SH3BGRL2: variants seen among roughly 807,000 people sequenced by gnomAD.
SH3BGRL2 encodes SH3 domain-binding glutamic acid-rich-like protein 2.
SH3BGRL2 carries 21 observed loss-of-function variants against 14.8 expected under a neutral mutation model. That is an observed-to-expected ratio of 1.42 (90% CI 1.01 to 2.05). The LOEUF is 2.05. Among genes scored for constraint, SH3BGRL2 ranks in the 30% most tolerant of loss-of-function variants. The probability of loss-of-function intolerance (pLI) is 0.00; values close to 1 mark genes in which losing one functional copy is unlikely to be tolerated. For missense variants in SH3BGRL2, 147 were observed against 130.8 expected (o/e 1.12, Z -0.61); for synonymous variants, 50 against 47.8 (o/e 1.05, Z -0.19).
At chr6:79,688,613 A>T (rs1214344232) in intron 2 of SH3BGRL2, among the ~76,000 whole-genome samples, 2 of 152,168 alleles carry the variant, frequency 1.3e-5, no homozygotes, top group Admixed American at 1.3e-4. Flanking sequence ...TGGAAACTTT[A>T]TGTGAGTTTT....
chr6:79,638,635 A>G (rs1768972183), intron 1 of SH3BGRL2, among the ~76,000 whole-genome samples: 1 of 152,108 alleles, frequency 6.6e-6, no homozygotes. Flanking sequence ...TTTCGATAAT[A>G]GTCTAACTGG....
At chr6:79,601,911 A>C in the SH3BGRL2 span, among the ~76,000 whole-genome samples, 3 of 150,692 alleles carry the variant, frequency 2.0e-5, no homozygotes, top group Non-Finnish European at 4.4e-5. Context: ...ATAGTAAAGA[A>C]AAAAATCAAG....
chr6:79,547,512 C>T, the SH3BGRL2 span, among the ~76,000 whole-genome samples: 24 of 152,144 alleles, frequency 1.6e-4, no homozygotes, highest in Non-Finnish European at 3.1e-4. Context: ...GAGTGAGGCC[C>T]GTGTTGCCTC....
At position 79,664,248 on chromosome 6, in the gene SH3BGRL2, C is replaced by T. The variant is rs968500569; in HGVS notation, c.46-9366C>T. On this transcript the variant is annotated intron_variant, in intron 1 of 3. Transcript: ENST00000369838. ...TGCAGAAATCACCTGTCTTCTGCAT[C>T]GATCACGCTGGGATCTGCAGACTGG... Among the ~76,000 whole-genome samples the T allele has an allele frequency of 2.6e-5, 4 of 152,198 alleles. No homozygotes were observed. In the East Asian group the frequency reaches 7.7e-4, roughly 29 times the overall value.
At chr6:79,564,855 A>T in the SH3BGRL2 span, among the ~76,000 whole-genome samples, 1 of 152,152 alleles carries the variant, frequency 6.6e-6, no homozygotes, top group African/African-American at 2.4e-5. Context: ...TCTGACCCGT[A>T]ATATTCTCCT....
the SH3BGRL2 span, among the ~76,000 whole-genome samples, chr6:79,546,477 A>G: frequency 6.6e-6 from 1 of 152,164 alleles, no homozygotes; most frequent in Non-Finnish European, 1.5e-5. Flanking sequence ...CACCCTAGGA[A>G]ACTCCTCTCT....
At chr6:79,691,047 C>T (rs1475422700) in intron 2 of SH3BGRL2, among the ~76,000 whole-genome samples, 4 of 152,036 alleles carry the variant, frequency 2.6e-5, no homozygotes, top group Non-Finnish European at 4.4e-5. Flanking sequence ...CCCAGCTACT[C>T]GGGAGGCTGA....
chr6:79,621,716 G>T, the SH3BGRL2 span, among the ~76,000 whole-genome samples: 1 of 152,130 alleles, frequency 6.6e-6, no homozygotes, highest in African/African-American at 2.4e-5. Flanking sequence ...GGGGATGAAT[G>T]ATAACAGACC....
At chr6:79,589,938 A>T in the SH3BGRL2 span, among the ~76,000 whole-genome samples, 1 of 151,812 alleles carries the variant, frequency 6.6e-6, no homozygotes, top group Non-Finnish European at 1.5e-5. Flanking sequence ...CGCCCCACTA[A>T]TTTTTGTTTT....
chr6:79,619,990 T>C, the SH3BGRL2 span, among the ~76,000 whole-genome samples: 1 of 152,344 alleles, frequency 6.6e-6, no homozygotes, highest in East Asian at 1.9e-4. Flanking sequence ...CAAATGTTTC[T>C]GATCTCTCAG....
the SH3BGRL2 span, among the ~76,000 whole-genome samples, chr6:79,538,020 T>TTG: frequency 1.7e-5 from 1 of 60,586 alleles, no homozygotes; most frequent in Admixed American, 2.0e-4. Flanking sequence ...GCACACAAGT[T>TTG]TTTTTTTTTT....
intron 1 of SH3BGRL2, among the ~76,000 whole-genome samples, chr6:79,637,633 C>A (rs1768951692): frequency 6.6e-6 from 1 of 151,672 alleles, no homozygotes; most frequent in Non-Finnish European, 1.5e-5. Context: ...GTAGAGATTG[C>A]ATGAGCCGAG....
chr6:79,552,529 G>A, the SH3BGRL2 span, among the ~76,000 whole-genome samples: 9 of 152,174 alleles, frequency 5.9e-5, no homozygotes, highest in South Asian at 1.9e-3. Flanking sequence ...TACTCAACTG[G>A]TTACATTTGA....
At chr6:79,538,758 C>T in the SH3BGRL2 span, among the ~76,000 whole-genome samples, 4 of 152,188 alleles carry the variant, frequency 2.6e-5, no homozygotes, top group East Asian at 7.7e-4. Context: ...TGAAGGAGAG[C>T]TGAGAATGAA....
chr6:79,594,318 G>A, the SH3BGRL2 span, among the ~76,000 whole-genome samples: 2 of 152,166 alleles, frequency 1.3e-5, no homozygotes, highest in Non-Finnish European at 2.9e-5. Flanking sequence ...ATGAGCAGGA[G>A]TTTTAAGCTA....
At chr6:79,628,277 C>CT (rs76133633), upstream of SH3BGRL2, among the ~76,000 whole-genome samples, 198 of 145,684 alleles carry the variant, frequency 1.4e-3, no homozygotes, top group African/African-American at 3.6e-3. Context: ...TATTTAGAAA[C>CT]TTTTTTTTTT....
At chr6:79,584,120 CTTTAT>C in the SH3BGRL2 span, among the ~76,000 whole-genome samples, 1 of 152,086 alleles carries the variant, frequency 6.6e-6, no homozygotes, top group Non-Finnish European at 1.5e-5. Flanking sequence ...TCCTCATTTA[CTTTAT>C]TTTATTTTTA....
chr6:79,573,620 C>A, the SH3BGRL2 span, among the ~76,000 whole-genome samples: 1 of 152,122 alleles, frequency 6.6e-6, no homozygotes, highest in African/African-American at 2.4e-5. Context: ...TTTGTATCCA[C>A]ATACATGATA....
At chr6:79,601,193 T>A in the SH3BGRL2 span, among the ~76,000 whole-genome samples, 1 of 152,178 alleles carries the variant, frequency 6.6e-6, no homozygotes, top group Non-Finnish European at 1.5e-5. Context: ...ACGGAAGGAA[T>A]GTTTTGTTTT....
Sources: allele counts gnomAD v4.1 joint callset (sites outside exome capture counted in the v4.1 genomes callset), GRCh38; gene constraint gnomAD v4.1.1; transcripts MANE v1.5; gene names NCBI Gene and HGNC (gene_info 2026-07-23, HGNC 2026-07-21).